Variants in RALGAPA2 observed in about 807,000 individuals in gnomAD.
RALGAPA2 encodes ral GTPase-activating protein subunit alpha-2.
Under a neutral mutation model 230.4 loss-of-function variants are expected in RALGAPA2, and 139 were observed. That is an observed-to-expected ratio of 0.60 (90% confidence interval 0.53 to 0.69). The LOEUF is 0.69. Ranked by LOEUF, RALGAPA2 falls within the 30% of genes least tolerant of loss-of-function variation. RALGAPA2 has a pLI of 0.00. For synonymous variants in RALGAPA2, 847 were observed against 837.8 expected (o/e 1.01, Z -0.19); for missense variants, 2,163 against 2,276.0 (o/e 0.95, Z 1.01).
intron 1 of RALGAPA2, among the ~76,000 whole-genome samples, chr20:20,692,119 T>A (rs2068934961): frequency 6.6e-6 from 1 of 152,156 alleles, no homozygotes; most frequent in African/African-American, 2.4e-5. Context: ...TGCAAAACCA[T>A]GAGCCAAATA....
rs369596411 is a variant in RALGAPA2 at position 20,546,818 on chromosome 20, C to T, written c.3171G>A (p.Thr1057=). Residue 1057 remains threonine (T), a synonymous_variant, in exon 24 of 40, where the codon ACG becomes ACA. Coordinates refer to ENST00000202677, the MANE Select transcript of RALGAPA2 (RefSeq NM_020343.4). ...LTSEDQDILN[T]IIRHCPPRFF... ...AGCGGGGTGGACAGTGCCTTATGAT[C>T]GTATTTAAGATATCCTAAAAGGGAA... 15 of 1,586,828 alleles carry T rather than the reference C, an allele frequency of 9.5e-6. 1 individual carries two copies. The highest frequency in any genetic ancestry group is 4.5e-5 in the East Asian group (2 of 44,506).
intron 18 of RALGAPA2, among the ~76,000 whole-genome samples, chr20:20,588,529 G>A (rs1028998147): frequency 6.6e-6 from 1 of 152,152 alleles, no homozygotes; most frequent in Non-Finnish European, 1.5e-5. Flanking sequence ...GAACAAGGAA[G>A]GAGTGTAGAA....
In RALGAPA2 at chr20:20,667,469, A is replaced by G. The variant is rs2067993240; in HGVS notation, c.270+8767T>C. On this transcript the variant is annotated intron_variant, in intron 3 of 39. Coordinates refer to ENST00000202677, the MANE Select transcript of RALGAPA2 (RefSeq NM_020343.4). ...TCCAGCATAACACCAAACTGCAGAG[A>G]AGGAAGGGAGTCAGTACATATAGGC... Among the ~76,000 whole-genome samples the G allele has an allele frequency of 2.6e-5, 4 of 152,240 alleles. No homozygotes were observed. In the South Asian group the frequency reaches 8.3e-4, roughly 31 times the overall value.
rs1204308863 is a variant in RALGAPA2 at position 20,579,237 on chromosome 20, C to T, written c.2707+3813G>A. Among the ~76,000 whole-genome samples, 3 of 152,296 alleles carry T rather than the reference C, an allele frequency of 2.0e-5. No individual in the cohort carries two copies. The East Asian group carries it at 5.8e-4, about 29-fold the overall frequency. ...AAAATTAAAATTTAATTGCTCTTTT[C>T]AGCTATATAAAACAACAGCTTGCAG... On this transcript the variant is annotated intron_variant, in intron 20 of 39. Transcript: ENST00000202677.
Position 20,589,299 on chromosome 20 carries a change from C to T in RALGAPA2, c.2408G>A (p.Gly803Glu), listed in dbSNP as rs372842300. ...TCCTTCATGTTCTCTCTTCACATGT[C>T]CTTTATTCTCTTGAATAGGCTGAGG... The part of the protein sequence containing the change: ...SEPQPIQENK[G>E]HVKREHEGIT... Residue 803 changes from glycine to glutamate, a missense_variant, in exon 18 of 40, where the codon GGA becomes GAA. By Grantham distance (98) the Gly-to-Glu change is moderately conservative (BLOSUM62 -2). Transcript: ENST00000202677. 7.6e-6 allele frequency: 12 copies of T among 1,586,092 alleles called. No homozygotes were observed. Among genetic ancestry groups the T allele is most frequent in the Admixed American group, 3.6e-5 (2 of 56,048 alleles).
intron 3 of RALGAPA2, among the ~76,000 whole-genome samples, chr20:20,665,298 C>A (rs1257249150): frequency 6.6e-6 from 1 of 152,162 alleles, no homozygotes; most frequent in African/African-American, 2.4e-5. Context: ...TATTGCCTTC[C>A]ACAGGATCTC....
At position 20,533,376 on chromosome 20, in the gene RALGAPA2, T is replaced by TA. The variant is rs368625605; in HGVS notation, c.3474-1582dup. 6.9e-3 allele frequency among the ~76,000 whole-genome samples: 1,047 copies of TA among 151,300 alleles called. 11 individuals are homozygous for TA. Among genetic ancestry groups the TA allele is most frequent in the African/African-American group, 0.024 (980 of 41,312 alleles). ...TTAACTAAACCAGTGGTCTTTAAGA[T>TA]AAAAAAAAATCCTCCTTAGAAATAA... is the stretch of plus-strand genomic sequence containing the variant. On this transcript the variant is annotated intron_variant, in intron 26 of 39. Coordinates refer to ENST00000202677, the MANE Select transcript of RALGAPA2 (RefSeq NM_020343.4).
intron 23 of RALGAPA2, among the ~76,000 whole-genome samples, chr20:20,563,826 A>C (rs1490139464): frequency 1.3e-5 from 2 of 150,938 alleles, no homozygotes; most frequent in African/African-American, 4.9e-5. Context: ...CACACAGACA[A>C]ACACACACAC....
rs370745690 is a variant in RALGAPA2 at position 20,619,376 on chromosome 20, A to G, written c.1440T>C (p.Ser480=). The change falls in exon 12 of 40, where the codon AGT becomes AGC. Residue 480 remains serine, a synonymous_variant. Coordinates refer to ENST00000202677, the MANE Select transcript of RALGAPA2 (RefSeq NM_020343.4). ...SESSGHKRSS[S]WGRTYSFTSA... ...TTGTGAAGGAGTATGTGCGTCCCCAACTGGAAGATCGTTTATGACCAGAAC... is the reference window on the plus strand; with the variant it reads ...TTGTGAAGGAGTATGTGCGTCCCCAGCTGGAAGATCGTTTATGACCAGAAC... The G allele has an allele frequency of 3.1e-6, 5 of 1,608,948 alleles. No individual in the cohort carries two copies. The highest frequency in any genetic ancestry group is 1.3e-5 in the African/African-American group (1 of 74,872).
At position 20,512,270 on chromosome 20, in the gene RALGAPA2, A is replaced by C. The variant is rs576253761; in HGVS notation, c.4856+243T>G. ...ACACACACACACACACACACACACA[A>C]ATGTTTGATATCCTTTAAAATATCC... On this transcript the variant is annotated intron_variant, in intron 32 of 39. Coordinates refer to ENST00000202677, the MANE Select transcript of RALGAPA2 (RefSeq NM_020343.4). Among the ~76,000 whole-genome samples the C allele has an allele frequency of 4.8e-3, 664 of 139,254 alleles. 3 individuals are homozygous for C. The highest frequency in any genetic ancestry group is 7.0e-3 in the Non-Finnish European group (455 of 64,576). 91.4% of individuals were successfully genotyped at this position (139,254 alleles called of 152,430 possible).
At chr20:20,418,532 A>T (rs532979887) in intron 37 of RALGAPA2, among the ~76,000 whole-genome samples, 1 of 152,338 alleles carries the variant, frequency 6.6e-6, no homozygotes, top group Admixed American at 6.5e-5. Flanking sequence ...GAATGATTAT[A>T]ACATGTTACA....
intron 36 of RALGAPA2, among the ~76,000 whole-genome samples, chr20:20,493,753 T>C (rs2062128312): frequency 6.6e-6 from 1 of 152,228 alleles, no homozygotes; most frequent in Non-Finnish European, 1.5e-5. Flanking sequence ...TTCTTTAAAG[T>C]AGTGCTCTTC....
chr20:20,411,401 G>T (rs2060056353), intron 38 of RALGAPA2, among the ~76,000 whole-genome samples: 1 of 152,064 alleles, frequency 6.6e-6, no homozygotes, highest in South Asian at 2.1e-4. Flanking sequence ...TAAAAACAAG[G>T]AAATCTATGG....
chr20:20,491,730 T>C (rs1459171092), intron 36 of RALGAPA2, among the ~76,000 whole-genome samples: 1 of 152,134 alleles, frequency 6.6e-6, no homozygotes, highest in Non-Finnish European at 1.5e-5. Context: ...CAATAACACA[T>C]TTCTTTTCTG....
rs1201184003 is a variant in RALGAPA2 at position 20,536,634 on chromosome 20, T to C, written c.3414+22A>G. On this transcript the variant is annotated intron_variant, in intron 25 of 39. Coordinates refer to ENST00000202677, the MANE Select transcript of RALGAPA2 (RefSeq NM_020343.4). ...ATTATAAAAAGTACTAAACTTGAGA[T>C]ACAGTCAAATGCGTTATGTACCTTG... 3.7e-6 allele frequency: 6 copies of C among 1,607,864 alleles called. No homozygotes were observed. In the African/African-American group the frequency reaches 4.0e-5, roughly 11 times the overall value.
In RALGAPA2 at chr20:20,389,695, A is replaced by T. The variant is rs1196632380; in HGVS notation, c.*3594T>A. The stretch of plus-strand genomic sequence containing the variant: ...TTAAAGAGTAAAAGAGGTTAACTGG[A>T]GAGTCGGGTGGCTGCCATCAGTGGA... On this transcript the variant is annotated 3_prime_UTR_variant, in exon 40 of 40. Transcript: ENST00000202677. The T allele has an allele frequency of 1.3e-5, 2 of 151,560 alleles. No homozygotes were observed. The highest frequency in any genetic ancestry group is 2.9e-5 in the Non-Finnish European group (2 of 67,948). The allele number at this position is 151,560 out of a possible 1,614,324, so 9.4% of individuals were successfully genotyped here. A position where few individuals can be genotyped will look rare whatever the true frequency, so the allele number is the denominator to read the frequency against.
intron 1 of RALGAPA2, among the ~76,000 whole-genome samples, chr20:20,703,916 G>A (rs1024055391): frequency 2.6e-5 from 4 of 152,062 alleles, no homozygotes; most frequent in African/African-American, 2.4e-5. Context: ...TAGATTTTCC[G>A]CCTTCTTGAT....
intron 3 of RALGAPA2, 127 bp downstream of exon 3, chr20:20,676,109 G>C: frequency 1.6e-6 from 1 of 618,886 alleles, no homozygotes; most frequent in Non-Finnish European, 2.7e-6. Flanking sequence ...GTGGGAGGAA[G>C]GAAGGAAAGA....
chr20:20,706,024 A>G (rs953532232), intron 1 of RALGAPA2, among the ~76,000 whole-genome samples: 6 of 152,234 alleles, frequency 3.9e-5, no homozygotes, highest in Admixed American at 2.6e-4. Context: ...CCGTTTGGTA[A>G]CCAAAAATCA....
Sources: gnomAD v4.1 joint callset for allele counts (sites outside exome capture counted in the v4.1 genomes callset) on GRCh38, gnomAD v4.1.1 for gene constraint, MANE v1.5 for transcripts, NCBI Gene and HGNC (gene_info 2026-07-23, HGNC 2026-07-21) for gene names.